Variants in PARP6 observed in about 807,000 individuals in gnomAD.
PARP6 encodes poly(ADP-ribose) polymerase family member 6, also known as protein mono-ADP-ribosyltransferase PARP6.
Under a neutral mutation model 92.0 loss-of-function variants are expected in PARP6, and 27 were observed. That is an observed-to-expected ratio of 0.29 (90% CI 0.22 to 0.40). PARP6 has a LOEUF of 0.40. Ranked by LOEUF, PARP6 falls within the 10% of genes least tolerant of loss-of-function variation. PARP6 has a pLI of 1.00. For missense variants in PARP6, 501 were observed against 784.5 expected, an observed-to-expected ratio of 0.64 and a Z score of 4.32; for synonymous variants, 272 against 281.2, an observed-to-expected ratio of 0.97 and a Z score of 0.33.
chr15:72,268,731 CT>C (rs1384677999), intron 2 of PARP6, among the ~76,000 whole-genome samples: 1 of 152,212 alleles, frequency 6.6e-6, no homozygotes, highest in African/African-American at 2.4e-5. Context: ...CACTGAACAT[CT>C]TTTGGCAGTT....
chr15:72,251,880 A>G (rs1455354921), intron 16 of PARP6, among the ~76,000 whole-genome samples: 1 of 152,238 alleles, frequency 6.6e-6, no homozygotes, highest in Non-Finnish European at 1.5e-5. Flanking sequence ...AGGGCTCAGC[A>G]AGAGAGCACT....
chr15:72,266,839 A>G lies in PARP6; in HGVS notation c.4-17T>C. 6.3e-7 allele frequency: 1 copy of G among 1,597,104 alleles called. No individual in the cohort carries two copies. The highest frequency in any genetic ancestry group is 2.2e-5 in the East Asian group (1 of 44,796). Reference sequence around the variant, plus strand: ...TTTGATGTCCTAGTGGTGAGAAATAAGGATATCATGCTTTGTTAGGTCCCT... The same window carrying G: ...TTTGATGTCCTAGTGGTGAGAAATAGGGATATCATGCTTTGTTAGGTCCCT... On this transcript the variant is annotated splice_polypyrimidine_tract_variant and intron_variant, in intron 3 of 23. Transcript: ENST00000569795.
chr15:72,265,891 T>C lies in PARP6; in HGVS notation c.176+6A>G, dbSNP rs753364138. 6.3e-7 allele frequency: 1 copy of C among 1,598,456 alleles called. No individual in the cohort carries two copies. The highest frequency in any genetic ancestry group is 8.6e-7 in the Non-Finnish European group (1 of 1,165,808). On this transcript the variant is annotated splice_donor_region_variant and intron_variant, in intron 5 of 23. Transcript: ENST00000569795. ...CTCCCCTGCCACCCCTGAAGTAGAGTCCCACCTGATGGATACAGAGTTCTC... is the reference window on the plus strand; with the variant it reads ...CTCCCCTGCCACCCCTGAAGTAGAGCCCCACCTGATGGATACAGAGTTCTC...
At chr15:72,258,250 G>A (rs2085388468) in intron 11 of PARP6, 118 bp from the exon 12 acceptor site, 1 of 728,310 alleles carries the variant, frequency 1.4e-6, no homozygotes, top group Non-Finnish European at 2.4e-6. Flanking sequence ...CCTAAGGTAG[G>A]ATATATTCTT....
At chr15:72,264,735 A>C (rs764986048) in intron 7 of PARP6, 114 bp from the exon 8 acceptor site, 1 of 787,566 alleles carries the variant, frequency 1.3e-6, no homozygotes, top group Non-Finnish European at 2.1e-6. Flanking sequence ...TGGGTACTCT[A>C]AACAGTAACG....
At chr15:72,252,447 T>C (rs1433060924) in intron 16 of PARP6, among the ~76,000 whole-genome samples, 1 of 152,200 alleles carries the variant, frequency 6.6e-6, no homozygotes, top group Admixed American at 6.5e-5. Context: ...CATTCTGCAA[T>C]GTACACATAT....
At chr15:72,252,416 T>C (rs1055634455) in intron 16 of PARP6, among the ~76,000 whole-genome samples, 3 of 152,260 alleles carry the variant, frequency 2.0e-5, no homozygotes, top group Admixed American at 6.5e-5. Flanking sequence ...ATAATGCATA[T>C]GCTTATTAGC....
In PARP6 at chr15:72,242,771, G is replaced by T; in HGVS notation, c.1562-72C>A. 1.2e-6 allele frequency: 1 copy of T among 839,312 alleles called. No homozygotes were observed. The highest frequency in any genetic ancestry group is 1.9e-6 in the Non-Finnish European group (1 of 515,950). 52.0% of individuals were successfully genotyped at this position (839,312 alleles called of 1,614,324 possible). A position where few individuals can be genotyped will look rare whatever the true frequency, so the allele number is the denominator to read the frequency against. Reference sequence around the variant, plus strand: ...AGTGCCTACTATGTCCCAGCACTGAGCTAGATGCTCATCAAAACAGCAGAG... The same window carrying T: ...AGTGCCTACTATGTCCCAGCACTGATCTAGATGCTCATCAAAACAGCAGAG... On this transcript the variant is annotated intron_variant, in intron 20 of 23. Coordinates refer to ENST00000569795, the MANE Select transcript of PARP6 (RefSeq NM_001323532.2). The surrounding 1 kb of genome is among the most constrained non-coding windows in gnomAD (Gnocchi z 4.3).
rs745560646 is a variant in PARP6, at chr15:72,254,519, T to C, written c.1127A>G (p.Lys376Arg). The C allele has an allele frequency of 6.2e-6, 10 of 1,610,398 alleles. No individual in the cohort carries two copies. The East Asian group carries it at 2.0e-4, about 32-fold the overall frequency. Residue 376 changes from lysine to arginine, a missense_variant and splice_region_variant, in exon 15 of 24, where the codon AAG (lysine) becomes AGG (arginine). Transcript: ENST00000569795. ...TTTCTGAAGCCGCTCATAATTCTTCTTCTGTGGAGAATCAATGGGAAGAGA... is the reference window on the plus strand; with the variant it reads ...TTTCTGAAGCCGCTCATAATTCTTCCTCTGTGGAGAATCAATGGGAAGAGA... The part of the protein sequence containing the change: ...DPKTLAFNPK[K>R]KNYERLQKAL...
intron 2 of PARP6, among the ~76,000 whole-genome samples, chr15:72,268,389 A>G (rs1362945778): frequency 1.3e-5 from 2 of 152,238 alleles, no homozygotes; most frequent in Non-Finnish European, 2.9e-5. Flanking sequence ...TTATTTCTCC[A>G]TATTAGCCAG....
intron 20 of PARP6, chr15:72,244,468 A>C (rs1234174544): frequency 6.6e-6 from 1 of 152,234 alleles, no homozygotes; most frequent in Non-Finnish European, 1.5e-5. Flanking sequence ...AAACAAACAG[A>C]TGGAGTATAT....
At chr15:72,267,852 A>G (rs1394676896) in intron 2 of PARP6, among the ~76,000 whole-genome samples, 181 bp from the exon 3 acceptor site, 1 of 152,076 alleles carries the variant, frequency 6.6e-6, no homozygotes, top group Non-Finnish European at 1.5e-5. Context: ...CCTGGGTTCA[A>G]GTAATTCTCA....
intron 4 of PARP6, 24 bp from the exon 5 acceptor site, chr15:72,266,015 G>GT: frequency 7.0e-7 from 1 of 1,423,338 alleles, no homozygotes; most frequent in Non-Finnish European, 9.9e-7. Context: ...AAAAATGGTG[G>GT]TGGAGAGAGG....
At position 72,259,678 on chromosome 15, in the gene PARP6, G is replaced by T; in HGVS notation, c.757-17C>A. The T allele has an allele frequency of 6.2e-7, 1 of 1,613,038 alleles. No individual in the cohort carries two copies. The highest frequency in any genetic ancestry group is 8.5e-7 in the Non-Finnish European group (1 of 1,179,100). ...ACCACTGACCTGGTGAGAGTAAAAA[G>T]ACAGACCCCGTGAACCTCCTATGAA... is the stretch of plus-strand genomic sequence containing the variant. On this transcript the variant is annotated splice_polypyrimidine_tract_variant and intron_variant, in intron 10 of 23. Coordinates refer to ENST00000569795, the MANE Select transcript of PARP6 (RefSeq NM_001323532.2).
intron 16 of PARP6, among the ~76,000 whole-genome samples, chr15:72,252,562 G>A (rs1027440857): frequency 1.3e-5 from 2 of 151,456 alleles, no homozygotes; most frequent in African/African-American, 4.9e-5. Flanking sequence ...CTCAGCTCAC[G>A]GCAACCTCCG....
intron 2 of PARP6, 133 bp from the exon 3 acceptor site, chr15:72,267,804 T>G (rs2086800907): frequency 4.2e-6 from 1 of 237,414 alleles, no homozygotes; most frequent in Admixed American, 5.4e-5. Context: ...CAGGCTGGAG[T>G]GCAATGGCGC....
In PARP6 at chr15:72,267,489, G is replaced by T; in HGVS notation, c.-12C>A. The T allele has an allele frequency of 6.2e-7, 1 of 1,613,868 alleles. No individual in the cohort carries two copies. Among genetic ancestry groups the T allele is most frequent in the South Asian group, 1.1e-5 (1 of 91,074 alleles). On this transcript the variant is annotated 5_prime_UTR_variant, in exon 3 of 24. Coordinates refer to ENST00000569795, the MANE Select transcript of PARP6 (RefSeq NM_001323532.2). ...TCAGTTCTCACCATTGGGTCAGTGG[G>T]TCACACACACTCTCAGGTCAGTGCT...
chr15:72,242,112 A>C lies in PARP6; in HGVS notation c.1705+45T>G. On this transcript the variant is annotated intron_variant, in intron 22 of 23. Transcript: ENST00000569795. The surrounding 1 kb of genome is among the most constrained non-coding windows in gnomAD (Gnocchi z 4.3). ...CATGTGCCAAAATTACATCAGAAAC[A>C]AAGGTTAGAGACCCAGAAAAACAGG... 1 of 1,571,448 alleles carries C rather than the reference A, an allele frequency of 6.4e-7. No individual in the cohort carries two copies. The highest frequency in any genetic ancestry group is 8.8e-7 in the Non-Finnish European group (1 of 1,141,146).
At chr15:72,265,284 G>C in intron 6 of PARP6, 113 bp from the exon 7 acceptor site, 1 of 1,058,584 alleles carries the variant, frequency 9.4e-7, no homozygotes, top group South Asian at 1.3e-5. Flanking sequence ...GTCTGCTGAT[G>C]GTCTAGGAAA....
Sources: allele counts gnomAD v4.1 joint callset (sites outside exome capture counted in the v4.1 genomes callset), GRCh38; gene constraint gnomAD v4.1.1; non-coding constraint Gnocchi (gnomAD v3.1); transcripts MANE v1.5; gene names NCBI Gene and HGNC (gene_info 2026-07-23, HGNC 2026-07-21).